Variants in NELL1 observed in about 807,000 individuals in gnomAD.
NELL1 encodes the protein neural EGFL like 1, also known as protein kinase C-binding protein NELL1.
NELL1 carries 76 observed loss-of-function variants against 107.4 expected under a neutral mutation model. The ratio of observed to expected loss-of-function variants is 0.71; its 90% confidence interval spans 0.59 to 0.86. The LOEUF (loss-of-function observed/expected upper bound fraction) is 0.86. Among genes scored for constraint, NELL1 ranks in the 40% least tolerant of loss-of-function variants. NELL1 has a pLI of 0.00. For synonymous variants in NELL1, 353 were observed against 341.2 expected (o/e 1.03, Z -0.38); for missense variants, 1,024 against 1,005.5 (o/e 1.02, Z -0.25).
chr11:21,399,199 A>C (rs1852043228), intron 15 of NELL1, among the ~76,000 whole-genome samples: 1 of 151,818 alleles, frequency 6.6e-6, no homozygotes, highest in South Asian at 2.1e-4. Context: ...ATTTAAGGTC[A>C]GTTGTATATC....
At chr11:21,298,799 G>GCAACAA (rs775187577) in intron 14 of NELL1, among the ~76,000 whole-genome samples, 2 of 151,942 alleles carry the variant, frequency 1.3e-5, no homozygotes, top group African/African-American at 4.8e-5. Context: ...AGCAGCAGCA[G>GCAACAA]CAACAACAAC....
intron 15 of NELL1, among the ~76,000 whole-genome samples, chr11:21,406,710 C>T (rs1852245602): frequency 6.6e-6 from 1 of 151,926 alleles, no homozygotes; most frequent in South Asian, 2.1e-4. Context: ...TTTATTGATA[C>T]ATAATAAAGA....
intron 13 of NELL1, among the ~76,000 whole-genome samples, chr11:21,218,388 A>G (rs1487280492): frequency 6.6e-6 from 1 of 152,178 alleles, no homozygotes; most frequent in Non-Finnish European, 1.5e-5. Context: ...CATATTTATA[A>G]GATACAGAAT....
At chr11:20,837,105 T>C (rs1744210382) in intron 3 of NELL1, among the ~76,000 whole-genome samples, 1 of 152,118 alleles carries the variant, frequency 6.6e-6, no homozygotes, top group South Asian at 2.1e-4. Context: ...ATTAATGGCG[T>C]ATGTAGGACT....
intron 14 of NELL1, among the ~76,000 whole-genome samples, chr11:21,268,513 A>T (rs750408650): frequency 6.6e-6 from 1 of 152,094 alleles, no homozygotes; most frequent in Non-Finnish European, 1.5e-5. Context: ...AGCCTTCCAC[A>T]TGGGGGAAGA....
At chr11:21,345,386 A>T (rs922054019) in intron 14 of NELL1, among the ~76,000 whole-genome samples, 1 of 152,192 alleles carries the variant, frequency 6.6e-6, no homozygotes, top group African/African-American at 2.4e-5. Flanking sequence ...AACATTAATG[A>T]ACATTTTCTC....
At chr11:20,786,974 CT>C (rs1225820250) in intron 3 of NELL1, among the ~76,000 whole-genome samples, 1 of 135,034 alleles carries the variant, frequency 7.4e-6, no homozygotes, top group East Asian at 2.3e-4. Context: ...CGCCACTGCA[CT>C]CCAGCCTAGG....
chr11:20,774,288 C>T (rs1171673904), intron 2 of NELL1, among the ~76,000 whole-genome samples: 2 of 144,552 alleles, frequency 1.4e-5, no homozygotes, highest in Non-Finnish European at 3.0e-5. Flanking sequence ...TCTTTCCCTT[C>T]CTTCCTTTTT....
rs1461759831 is a variant in NELL1 at position 21,522,837 on chromosome 11, T to TC, written c.1646-11537_1646-11536insC. 1.6e-4 allele frequency among the ~76,000 whole-genome samples: 19 copies of TC among 119,156 alleles called. 1 individual carries two copies. The highest frequency in any genetic ancestry group is 1.3e-3 in the East Asian group (6 of 4,446). 78.2% of individuals were successfully genotyped at this position (119,156 alleles called of 152,430 possible). On this transcript the variant is annotated intron_variant, in intron 15 of 19. Transcript: ENST00000357134. Reference sequence around the variant, plus strand: ...TTGAATCCTATTTTTTTCTTTTCTTTTTTTTTTTTTTTTTTTTTTTTGAGA... The same window carrying TC: ...TTGAATCCTATTTTTTTCTTTTCTTTCTTTTTTTTTTTTTTTTTTTTTGAGA...
intron 14 of NELL1, among the ~76,000 whole-genome samples, chr11:21,340,985 T>C (rs1020736209): frequency 6.6e-6 from 1 of 152,216 alleles, no homozygotes; most frequent in African/African-American, 2.4e-5. Flanking sequence ...TGTCATTGGA[T>C]TGTGACAACT....
chr11:21,320,581 G>T (rs1849986931), intron 14 of NELL1, among the ~76,000 whole-genome samples: 1 of 152,162 alleles, frequency 6.6e-6, no homozygotes, highest in Admixed American at 6.5e-5. Flanking sequence ...TTTGACAGAT[G>T]AAGACACTGT....
At chr11:21,430,530 A>C (rs934153542) in intron 15 of NELL1, among the ~76,000 whole-genome samples, 2 of 152,206 alleles carry the variant, frequency 1.3e-5, no homozygotes, top group African/African-American at 2.4e-5. Flanking sequence ...AGCACTAAGC[A>C]AACTGGCTTT....
At chr11:20,878,358 CAAAAAAA>C (rs58962461) in intron 4 of NELL1, among the ~76,000 whole-genome samples, 1 of 95,768 alleles carries the variant, frequency 1.0e-5, no homozygotes, top group African/African-American at 3.6e-5. Context: ...GACCCCGTCT[CAAAAAAA>C]AAAAAAAAAA....
chr11:20,687,232 A>G (rs1280263246), intron 2 of NELL1, among the ~76,000 whole-genome samples: 1 of 151,932 alleles, frequency 6.6e-6, no homozygotes, highest in East Asian at 1.9e-4. Flanking sequence ...TGAGTACATT[A>G]TTACATGTGG....
At chr11:21,059,624 G>A (rs574777183) in intron 12 of NELL1, among the ~76,000 whole-genome samples, 2 of 152,070 alleles carry the variant, frequency 1.3e-5, no homozygotes, top group Admixed American at 6.6e-5. Flanking sequence ...ATACACTAGG[G>A]TCTGAAAGTG....
chr11:20,948,803 G>A (rs1851016009), intron 11 of NELL1, among the ~76,000 whole-genome samples: 2 of 149,522 alleles, frequency 1.3e-5, no homozygotes, highest in African/African-American at 2.5e-5. Flanking sequence ...AAACTCATAG[G>A]TATTATTTTA....
chr11:21,167,716 A>T (rs1342026441), intron 13 of NELL1, among the ~76,000 whole-genome samples: 3 of 151,708 alleles, frequency 2.0e-5, no homozygotes, highest in South Asian at 2.1e-4. Flanking sequence ...TCTTCTTTTC[A>T]TTCCTTGGAC....
intron 15 of NELL1, among the ~76,000 whole-genome samples, chr11:21,492,360 A>G (rs532091989): frequency 6.6e-6 from 1 of 152,090 alleles, no homozygotes; most frequent in East Asian, 1.9e-4. Flanking sequence ...ATCTAGAACT[A>G]GAAATACCAT....
intron 12 of NELL1, among the ~76,000 whole-genome samples, chr11:21,012,266 C>A (rs1253871878): frequency 2.0e-5 from 3 of 152,094 alleles, no homozygotes; most frequent in Non-Finnish European, 2.9e-5. Flanking sequence ...TTATTCCAAC[C>A]TTGAGAGCAT....
Sources: gnomAD v4.1 joint callset for allele counts (sites outside exome capture counted in the v4.1 genomes callset) on GRCh38, gnomAD v4.1.1 for gene constraint, MANE v1.5 for transcripts, NCBI Gene and HGNC (gene_info 2026-07-23, HGNC 2026-07-21) for gene names.